Variants in PEPD observed in about 807,000 individuals in gnomAD.
PEPD encodes the protein xaa-Pro dipeptidase.
PEPD carries 53 observed loss-of-function variants against 60.7 expected under a neutral mutation model. The ratio of observed to expected loss-of-function variants is 0.87; its 90% confidence interval spans 0.70 to 1.10. The LOEUF (loss-of-function observed/expected upper bound fraction) is 1.10. Among genes scored for constraint, PEPD ranks in the 50% least tolerant of loss-of-function variants. The pLI is 0.00. For synonymous variants in PEPD, 267 were observed against 284.1 expected, an observed-to-expected ratio of 0.94 and a Z score of 0.60; for missense variants, 711 against 711.9, an observed-to-expected ratio of 1.00 and a Z score of 0.01.
At chr19:33,389,970 A>G (rs1297302235) in intron 13 of PEPD, among the ~76,000 whole-genome samples, 1 of 152,194 alleles carries the variant, frequency 6.6e-6, no homozygotes, top group African/African-American at 2.4e-5. Flanking sequence ...TGGCCCAGGA[A>G]GCGCAGCCTT....
intron 12 of PEPD, among the ~76,000 whole-genome samples, chr19:33,394,415 C>T (rs752870242): frequency 3.3e-5 from 5 of 152,240 alleles, no homozygotes; most frequent in Non-Finnish European, 7.3e-5. Flanking sequence ...GTCCCCTTGG[C>T]GCCGCTGGTC....
At chr19:33,391,576 G>A (rs1968222758) in intron 12 of PEPD, 97 bp from the exon 13 acceptor site, 2 of 1,161,094 alleles carry the variant, frequency 1.7e-6, no homozygotes, top group South Asian at 2.6e-5. Context: ...ACTGGCTGTG[G>A]TGGGAGGGCC....
intron 3 of PEPD, among the ~76,000 whole-genome samples, 159 bp downstream of exon 3, chr19:33,510,869 G>A (rs1484066595): frequency 1.3e-5 from 2 of 152,122 alleles, no homozygotes; most frequent in South Asian, 2.1e-4. Flanking sequence ...GGGCTCTGGC[G>A]AGAGGCAGGC....
At chr19:33,399,887 C>T (rs569667179) in intron 12 of PEPD, among the ~76,000 whole-genome samples, 2 of 152,238 alleles carry the variant, frequency 1.3e-5, no homozygotes, top group South Asian at 2.1e-4. Context: ...TGGCCAGGCC[C>T]GCTCTGAAGT....
intron 7 of PEPD, among the ~76,000 whole-genome samples, chr19:33,468,234 A>G (rs2145281059): frequency 6.6e-6 from 1 of 152,260 alleles, no homozygotes; most frequent in South Asian, 2.1e-4. Context: ...ACTAAAGATG[A>G]CTTACCTGCA....
intron 7 of PEPD, among the ~76,000 whole-genome samples, chr19:33,467,823 A>G (rs1600139924): frequency 6.6e-6 from 1 of 152,306 alleles, no homozygotes; most frequent in East Asian, 1.9e-4. Context: ...ATAGCACTTT[A>G]AAAACCTTAA....
chr19:33,398,659 A>T (rs1432606484), intron 12 of PEPD, among the ~76,000 whole-genome samples: 3 of 152,262 alleles, frequency 2.0e-5, no homozygotes, highest in Non-Finnish European at 2.9e-5. Context: ...TGAGCAAGAA[A>T]TTCTCATCCC....
chr19:33,457,511 GT>G (rs1969825179), intron 9 of PEPD, among the ~76,000 whole-genome samples: 1 of 152,130 alleles, frequency 6.6e-6, no homozygotes, highest in South Asian at 2.1e-4. Flanking sequence ...TGGAGTCAAA[GT>G]TTCTAGTCTT....
chr19:33,432,006 A>AC (rs1470344184), intron 9 of PEPD, among the ~76,000 whole-genome samples: 2 of 151,276 alleles, frequency 1.3e-5, no homozygotes, highest in African/African-American at 4.9e-5. Context: ...AAAAAAAAAA[A>AC]AAAAGGGAAG....
At chr19:33,393,367 G>A (rs923233301) in intron 12 of PEPD, among the ~76,000 whole-genome samples, 3 of 152,010 alleles carry the variant, frequency 2.0e-5, no homozygotes, top group Non-Finnish European at 4.4e-5. Context: ...CCCTGTATCT[G>A]GGGCAGCCCT....
rs557676947 is a variant in PEPD, at chr19:33,424,538, C to T, written c.672-10895G>A. Among the ~76,000 whole-genome samples, 14 of 152,300 alleles carry T rather than the reference C, an allele frequency of 9.2e-5. No homozygotes were observed. In the South Asian group the frequency reaches 2.9e-3, roughly 32 times the overall value. On this transcript the variant is annotated intron_variant, in intron 9 of 14. Transcript: ENST00000244137. Reference sequence around the variant, plus strand: ...ACCTTTCTTGGCCCTAGAACAAAAACTCCCCCTTTTAAAAAGGACCAGAAG... The same window carrying T: ...ACCTTTCTTGGCCCTAGAACAAAAATTCCCCCTTTTAAAAAGGACCAGAAG...
intron 8 of PEPD, among the ~76,000 whole-genome samples, 160 bp downstream of exon 8, chr19:33,463,827 C>T (rs567890546): frequency 1.5e-3 from 230 of 152,318 alleles, no homozygotes; most frequent in African/African-American, 5.4e-3. Flanking sequence ...CTGTGCCCAC[C>T]AGGGAACAGA....
chr19:33,424,284 G>A (rs1278880100), intron 9 of PEPD, among the ~76,000 whole-genome samples: 3 of 152,236 alleles, frequency 2.0e-5, no homozygotes, highest in Admixed American at 1.3e-4. Flanking sequence ...ACACAGAACC[G>A]AAAGAAATTC....
chr19:33,513,945 T>TGCCCCTTTCCTACCC (rs1970980176), intron 1 of PEPD, among the ~76,000 whole-genome samples: 1 of 45,974 alleles, frequency 2.2e-5, no homozygotes, highest in African/African-American at 6.0e-5. Flanking sequence ...ACCCACCCCA[T>TGCCCCTTTCCTACCC]CCCCCAGCTC....
intron 9 of PEPD, among the ~76,000 whole-genome samples, chr19:33,419,834 C>T (rs1005729): frequency 0.44 from 66,251 of 151,866 alleles, 14,830 homozygotes; most frequent in African/African-American, 0.53. Flanking sequence ...CCAGGCCAGC[C>T]GGTGGAAAGC....
intron 9 of PEPD, among the ~76,000 whole-genome samples, chr19:33,439,471 C>T (rs1969443682): frequency 1.3e-5 from 2 of 152,236 alleles, no homozygotes; most frequent in South Asian, 2.1e-4. Flanking sequence ...CCTGGGAGTG[C>T]GTGGGCCTAG....
intron 9 of PEPD, among the ~76,000 whole-genome samples, chr19:33,457,952 C>T (rs116234805): frequency 1.1e-4 from 16 of 152,298 alleles, no homozygotes; most frequent in African/African-American, 3.8e-4. Context: ...TCCAACCCCG[C>T]CCCCAGCACC....
At chr19:33,434,157 T>C (rs758608517) in intron 9 of PEPD, among the ~76,000 whole-genome samples, 10 of 152,174 alleles carry the variant, frequency 6.6e-5, no homozygotes, top group Admixed American at 1.3e-4. Flanking sequence ...CTTTCAGCGC[T>C]GTTCGTGTCC....
chr19:33,459,077 G>C (rs1969879095), intron 9 of PEPD, among the ~76,000 whole-genome samples: 1 of 152,052 alleles, frequency 6.6e-6, no homozygotes, highest in South Asian at 2.1e-4. Context: ...GACTGACGGG[G>C]ACAGGAGCTG....
Sources: allele counts gnomAD v4.1 joint callset (sites outside exome capture counted in the v4.1 genomes callset), GRCh38; gene constraint gnomAD v4.1.1; transcripts MANE v1.5; gene names NCBI Gene and HGNC (gene_info 2026-07-23, HGNC 2026-07-21).